The following ZSWIM6 variants were observed in gnomAD, a reference collection of about 807,000 sequenced individuals.
ZSWIM6 encodes zinc finger SWIM domain-containing protein 6.
Under a neutral mutation model 113.2 loss-of-function variants are expected in ZSWIM6, and 9 were observed. The observed-to-expected ratio is 0.08, with a 90% CI of 0.05 to 0.14. ZSWIM6 has a LOEUF of 0.14. Among genes scored for constraint, ZSWIM6 ranks in the 10% least tolerant of loss-of-function variants. The probability of loss-of-function intolerance (pLI) is 1.00; values close to 1 mark genes in which losing one functional copy is unlikely to be tolerated. For missense variants in ZSWIM6, 1,162 were observed against 1,552.2 expected (o/e 0.75, Z 4.22); for synonymous variants, 611 against 606.5 (o/e 1.01, Z -0.11).
rs906871670 is a variant in ZSWIM6, at chr5:61,344,034, C to T, written c.676+11086C>T. On this transcript the variant is annotated intron_variant, in intron 1 of 13. Transcript: ENST00000252744. ...TCAGCCTCCTGAGAAGCTGGGATTACAGGCACGTGCCACCACGCCTGGCTA... is the reference window on the plus strand; with the variant it reads ...TCAGCCTCCTGAGAAGCTGGGATTATAGGCACGTGCCACCACGCCTGGCTA... 7.9e-5 allele frequency among the ~76,000 whole-genome samples: 12 copies of T among 152,190 alleles called. 1 individual carries two copies. The highest frequency in any genetic ancestry group is 1.5e-4 in the Non-Finnish European group (10 of 68,018).
intron 1 of ZSWIM6, among the ~76,000 whole-genome samples, chr5:61,442,636 T>C (rs980730997): frequency 6.6e-6 from 1 of 152,194 alleles, no homozygotes; most frequent in Non-Finnish European, 1.5e-5. Flanking sequence ...CTCTCCTAAA[T>C]TGGCTTTGCT....
At chr5:61,478,835 A>G (rs1186126843) in intron 2 of ZSWIM6, among the ~76,000 whole-genome samples, 3 of 152,114 alleles carry the variant, frequency 2.0e-5, no homozygotes, top group Non-Finnish European at 4.4e-5. Context: ...AAAAATTACC[A>G]GTTTTGCCCT....
intron 1 of ZSWIM6, among the ~76,000 whole-genome samples, chr5:61,450,786 C>G (rs1747070026): frequency 6.6e-6 from 1 of 152,098 alleles, no homozygotes; most frequent in Non-Finnish European, 1.5e-5. Flanking sequence ...AAGCTTGTGG[C>G]AGGGATAAGC....
At chr5:61,495,672 C>T (rs1748296713) in intron 4 of ZSWIM6, among the ~76,000 whole-genome samples, 1 of 152,036 alleles carries the variant, frequency 6.6e-6, no homozygotes, top group Non-Finnish European at 1.5e-5. Flanking sequence ...TTGGGGGGCA[C>T]AGTGTGGTGG....
At chr5:61,439,826 C>T (rs1045803328) in intron 1 of ZSWIM6, among the ~76,000 whole-genome samples, 1 of 152,002 alleles carries the variant, frequency 6.6e-6, no homozygotes, top group East Asian at 1.9e-4. Flanking sequence ...TTTAAAAAGA[C>T]CTTTGAAACG....
At chr5:61,367,788 G>T (rs1316620076) in intron 1 of ZSWIM6, among the ~76,000 whole-genome samples, 1 of 152,034 alleles carries the variant, frequency 6.6e-6, no homozygotes, top group Non-Finnish European at 1.5e-5. Context: ...GTTAACTAAT[G>T]TTTAGTGCCT....
intron 1 of ZSWIM6, among the ~76,000 whole-genome samples, chr5:61,342,977 A>G (rs1744580128): frequency 6.6e-6 from 1 of 152,192 alleles, no homozygotes; most frequent in South Asian, 2.1e-4. Context: ...CTTCCATGAG[A>G]TGTTAAGTTT....
At chr5:61,399,772 T>A (rs1745908373) in intron 1 of ZSWIM6, among the ~76,000 whole-genome samples, 1 of 152,210 alleles carries the variant, frequency 6.6e-6, no homozygotes, top group African/African-American at 2.4e-5. Context: ...AAGAAAATAC[T>A]TCCTCTGTAG....
At chr5:61,536,627 T>G (rs1412896449) in intron 10 of ZSWIM6, among the ~76,000 whole-genome samples, 1 of 152,198 alleles carries the variant, frequency 6.6e-6, no homozygotes, top group African/African-American at 2.4e-5. Context: ...AAATTACCAG[T>G]GTCCCCAAAG....
intron 1 of ZSWIM6, among the ~76,000 whole-genome samples, chr5:61,408,714 A>C (rs1746090312): frequency 6.6e-6 from 1 of 152,272 alleles, no homozygotes; most frequent in Non-Finnish European, 1.5e-5. Flanking sequence ...AGTGCATTAC[A>C]AAATGCTGAG....
At chr5:61,502,548 A>G (rs1748500685) in intron 4 of ZSWIM6, among the ~76,000 whole-genome samples, 1 of 152,196 alleles carries the variant, frequency 6.6e-6, no homozygotes, top group Non-Finnish European at 1.5e-5. Flanking sequence ...GGATTCCGAT[A>G]TTATAAATGC....
intron 1 of ZSWIM6, among the ~76,000 whole-genome samples, chr5:61,347,896 T>A (rs1386863400): frequency 6.6e-6 from 1 of 152,146 alleles, no homozygotes; most frequent in African/African-American, 2.4e-5. Context: ...ACCAAGTTGA[T>A]GTTAAGCATG....
chr5:61,349,083 A>G (rs1744731267), intron 1 of ZSWIM6, among the ~76,000 whole-genome samples: 1 of 152,198 alleles, frequency 6.6e-6, no homozygotes, highest in Non-Finnish European at 1.5e-5. Context: ...TTGTCTAATC[A>G]AATTGAATCA....
chr5:61,355,501 T>A (rs1744884460), intron 1 of ZSWIM6, among the ~76,000 whole-genome samples: 1 of 141,880 alleles, frequency 7.0e-6, no homozygotes, highest in African/African-American at 2.7e-5. Context: ...CACACACTAT[T>A]AGATGGCAGG....
intron 1 of ZSWIM6, among the ~76,000 whole-genome samples, chr5:61,421,131 G>A (rs1406052381): frequency 6.6e-6 from 1 of 152,074 alleles, no homozygotes; most frequent in Non-Finnish European, 1.5e-5. Flanking sequence ...CGATGCCCAG[G>A]CTGGTCTCAA....
chr5:61,501,141 A>G (rs1220387628), intron 4 of ZSWIM6, among the ~76,000 whole-genome samples: 3 of 152,138 alleles, frequency 2.0e-5, no homozygotes, highest in African/African-American at 4.8e-5. Flanking sequence ...TTACTGGGGC[A>G]TGTTTTCTTT....
At chr5:61,424,580 G>A (rs1421244302) in intron 1 of ZSWIM6, among the ~76,000 whole-genome samples, 3 of 152,116 alleles carry the variant, frequency 2.0e-5, no homozygotes, top group Non-Finnish European at 2.9e-5. Context: ...AGAATCTTTC[G>A]AACCTCGAAG....
chr5:61,359,635 T>G (rs1327426126), intron 1 of ZSWIM6, among the ~76,000 whole-genome samples: 1 of 152,176 alleles, frequency 6.6e-6, no homozygotes, highest in African/African-American at 2.4e-5. Context: ...TGGGACTGTT[T>G]TCAGAATTAG....
intron 1 of ZSWIM6, among the ~76,000 whole-genome samples, chr5:61,434,281 T>C (rs1035705519): frequency 6.6e-6 from 1 of 150,828 alleles, no homozygotes; most frequent in African/African-American, 2.4e-5. Flanking sequence ...AACTTTTTAA[T>C]ACTACAGTTA....
Sources: gnomAD v4.1 joint callset for allele counts (sites outside exome capture counted in the v4.1 genomes callset) on GRCh38, gnomAD v4.1.1 for gene constraint, MANE v1.5 for transcripts, NCBI Gene and HGNC (gene_info 2026-07-23, HGNC 2026-07-21) for gene names.